The following MS4A8 variants were observed in gnomAD, a reference collection of about 807,000 sequenced individuals.
MS4A8 encodes membrane-spanning 4-domains subfamily A member 8.
In MS4A8, 27 loss-of-function variants were observed where a neutral mutation model predicts 23.7. The observed-to-expected ratio is 1.14, with a 90% CI of 0.84 to 1.57. MS4A8 has a LOEUF of 1.57. Among genes scored for constraint, MS4A8 ranks in the 40% most tolerant of loss-of-function variants. The pLI is 0.00. For synonymous variants in MS4A8, 138 were observed against 126.3 expected (o/e 1.09, Z -0.62); for missense variants, 301 against 311.4 (o/e 0.97, Z 0.25).
At chr11:60,709,087 C>T (rs1361164217) in intron 5 of MS4A8, 1 of 344,434 alleles carries the variant, frequency 2.9e-6, no homozygotes, top group Non-Finnish European at 5.5e-6. Flanking sequence ...TCTCTGCCTT[C>T]TTGCCCATTA....
intron 5 of MS4A8, chr11:60,712,485 T>C: frequency 1.0e-6 from 1 of 985,290 alleles, no homozygotes; most frequent in South Asian, 4.7e-5. Flanking sequence ...CAATGCTGTT[T>C]TTAAAAATCA....
Position 60,703,431 on chromosome 11 carries a change from G to A in MS4A8, c.273G>A (p.Ala91=), listed in dbSNP as rs2088224001. 8 of 1,604,940 alleles carry A rather than the reference G, an allele frequency of 5.0e-6. No individual in the cohort carries two copies. Among genetic ancestry groups the A allele is most frequent in the Middle Eastern group, 3.3e-4 (2 of 6,044 alleles). Residue 91 remains alanine (A), a synonymous_variant, in exon 3 of 7, where the codon GCG becomes GCA. Coordinates refer to ENST00000300226, the MANE Select transcript of MS4A8 (RefSeq NM_031457.2). ...ACATCGGCCTCGGCTCCATCATGGC[G>A]ACGGTTCTCGTAGGGGAATACCTGT... ...LAHIGLGSIM[A]TVLVGEYLSI... is the part of the protein sequence containing the mutation.
chr11:60,708,499 C>T, intron 4 of MS4A8, 151 bp from the exon 5 acceptor site: 1 of 713,138 alleles, frequency 1.4e-6, no homozygotes, highest in Non-Finnish European at 2.1e-6. Context: ...AACTGTAACA[C>T]TTGAAAATGA....
chr11:60,708,834 A>G, intron 5 of MS4A8, 53 bp downstream of exon 5: 1 of 1,608,196 alleles, frequency 6.2e-7, no homozygotes, highest in South Asian at 1.1e-5. Flanking sequence ...AGCTACATTT[A>G]GAAAACTCCC....
At position 60,714,216 on chromosome 11, in the gene MS4A8, GC is replaced by G. The variant is rs907126473; in HGVS notation, c.535-802del. Among the ~76,000 whole-genome samples, 37 of 141,276 alleles carry G rather than the reference GC, an allele frequency of 2.6e-4. 1 individual carries two copies. Among genetic ancestry groups the G allele is most frequent in the Admixed American group, 4.1e-4 (6 of 14,788 alleles). 92.7% of individuals were successfully genotyped at this position (141,276 alleles called of 152,430 possible). A position where few individuals can be genotyped will look rare whatever the true frequency, so the allele number is the denominator to read the frequency against. ...TGGGATTACAGGCGTGAGCCACCGC[GC>G]CCGGCCGGTGATGACTCTTAACAAG... On this transcript the variant is annotated intron_variant, in intron 5 of 6. Coordinates refer to ENST00000300226, the MANE Select transcript of MS4A8 (RefSeq NM_031457.2).
intron 3 of MS4A8, among the ~76,000 whole-genome samples, chr11:60,704,799 A>C (rs1000418375): frequency 1.3e-5 from 2 of 151,364 alleles, no homozygotes; most frequent in Non-Finnish European, 2.9e-5. Context: ...GTTCCTTTGC[A>C]GTGTCCCCCT....
rs1565054577 is a variant in MS4A8, at chr11:60,715,089, A to G, written c.603A>G (p.Ala201=). The G allele has an allele frequency of 6.2e-7, 1 of 1,614,114 alleles. No individual in the cohort carries two copies. The highest frequency in any genetic ancestry group is 8.5e-7 in the Non-Finnish European group (1 of 1,180,006). The change falls in exon 6 of 7, where the codon GCA becomes GCG. Residue 201 remains alanine, a synonymous_variant. Coordinates refer to ENST00000300226, the MANE Select transcript of MS4A8 (RefSeq NM_031457.2). ...FCLLEFGIAC[A]SSHFGCQLVC... ...TCCTGGAGTTTGGCATCGCATGCGCATCTTCCCACTTTGGCTGCCAGTTGG... is the reference window on the plus strand; with the variant it reads ...TCCTGGAGTTTGGCATCGCATGCGCGTCTTCCCACTTTGGCTGCCAGTTGG...
intron 5 of MS4A8, chr11:60,711,836 C>A (rs1288019779): frequency 2.2e-6 from 1 of 456,146 alleles, no homozygotes; most frequent in Admixed American, 2.3e-5. Context: ...TTAGTTCTGC[C>A]AATGATTGAT....
At chr11:60,710,223 T>C (rs180939231) in intron 5 of MS4A8, among the ~76,000 whole-genome samples, 18 of 152,342 alleles carry the variant, frequency 1.2e-4, no homozygotes, top group Admixed American at 1.0e-3. Flanking sequence ...AAACACCTTG[T>C]CTATGACAAT....
At chr11:60,704,328 C>G (rs1475058528) in intron 3 of MS4A8, among the ~76,000 whole-genome samples, 3 of 151,920 alleles carry the variant, frequency 2.0e-5, no homozygotes, top group East Asian at 3.9e-4. Context: ...ACCACGTTGG[C>G]CAGGCTGGTC....
chr11:60,714,244 G>T (rs571451488), intron 5 of MS4A8, among the ~76,000 whole-genome samples: 8 of 149,978 alleles, frequency 5.3e-5, no homozygotes, highest in Non-Finnish European at 8.8e-5. Context: ...CTTAACAAGC[G>T]TGCTGCCTTC....
In MS4A8 at chr11:60,707,812, C is replaced by CTT. The variant is rs5792195; in HGVS notation, c.402+787_402+788dup. ...ATTATTCTTTTTTCTTTTTCTTTTT[C>CTT]TTTTTTTTTTTTTTTTTTTTTTTGT... On this transcript the variant is annotated intron_variant, in intron 4 of 6. Transcript: ENST00000300226. Among the ~76,000 whole-genome samples, 446 of 55,178 alleles carry CTT rather than the reference C, an allele frequency of 8.1e-3. 1 individual carries two copies. Among genetic ancestry groups the CTT allele is most frequent in the African/African-American group, 8.7e-3 (138 of 15,930 alleles). The allele number at this position is 55,178 out of a possible 152,430, so 36.2% of individuals were successfully genotyped here.
At chr11:60,700,764 G>A in intron 1 of MS4A8, 96 bp from the exon 2 acceptor site, 1 of 1,202,766 alleles carries the variant, frequency 8.3e-7, no homozygotes, top group Non-Finnish European at 1.2e-6. Context: ...CTTGTAGAGG[G>A]TTAAGATGCT....
chr11:60,704,190 G>C (rs888112206), intron 3 of MS4A8, among the ~76,000 whole-genome samples: 1 of 143,226 alleles, frequency 7.0e-6, no homozygotes, highest in East Asian at 2.0e-4. Flanking sequence ...GTGCAATCTC[G>C]GCTCACCGCA....
At chr11:60,705,933 G>A (rs2088251953) in intron 3 of MS4A8, among the ~76,000 whole-genome samples, 1 of 152,192 alleles carries the variant, frequency 6.6e-6, no homozygotes. Flanking sequence ...TGATAAAATG[G>A]CAAGAGTAAT....
chr11:60,701,051 A>C lies in MS4A8; in HGVS notation c.191A>C (p.Lys64Thr). The change falls in exon 2 of 7, where the codon AAA becomes ACA. Residue 64 changes from lysine to threonine, a missense_variant. By Grantham distance (78) the Lys-to-Thr change is moderately conservative. Transcript: ENST00000300226. ...VSNVNGQPVQKALKEGKTLGA... is the reference protein window; with the variant it reads ...VSNVNGQPVQTALKEGKTLGA... Reference sequence around the variant, plus strand: ...AATGTGAATGGGCAGCCTGTGCAGAAAGCTCTGAAAGAAGGCAAAACCTTG... The same window carrying C: ...AATGTGAATGGGCAGCCTGTGCAGACAGCTCTGAAAGAAGGCAAAACCTTG... 1 of 1,614,194 alleles carries C rather than the reference A, an allele frequency of 6.2e-7. No individual in the cohort carries two copies. Among genetic ancestry groups the C allele is most frequent in the Non-Finnish European group, 8.5e-7 (1 of 1,180,026 alleles).
Position 60,703,039 on chromosome 11 carries a change from T to C in MS4A8, c.220-339T>C, listed in dbSNP as rs552163174. On this transcript the variant is annotated intron_variant, in intron 2 of 6. Transcript: ENST00000300226. ...CAACTACTCCACAGACCATCCATAA[T>C]GGGATCTGAGCAGCCCTGAAAAAAC... is the stretch of plus-strand genomic sequence containing the variant. The C allele has an allele frequency of 1.9e-4, 33 of 172,858 alleles. No individual in the cohort carries two copies. In the South Asian group the frequency reaches 3.5e-3, roughly 18 times the overall value. The allele number at this position is 172,858 out of a possible 1,614,324, so 10.7% of individuals were successfully genotyped here. A position where few individuals can be genotyped will look rare whatever the true frequency, so the allele number is the denominator to read the frequency against.
In MS4A8 at chr11:60,715,082, C is replaced by A. The variant is rs2088331504; in HGVS notation, c.596C>A (p.Ala199Glu). Residue 199 changes from alanine to glutamate, a missense_variant, in exon 6 of 7, where the codon GCA becomes GAA. Physicochemically the swap from Ala to Glu is moderately radical, Grantham distance 107. Coordinates refer to ENST00000300226, the MANE Select transcript of MS4A8 (RefSeq NM_031457.2). Reference sequence around the variant, plus strand: ...TTCTGCCTCCTGGAGTTTGGCATCGCATGCGCATCTTCCCACTTTGGCTGC... The same window carrying A: ...TTCTGCCTCCTGGAGTTTGGCATCGAATGCGCATCTTCCCACTTTGGCTGC... ...LVFCLLEFGI[A>E]CASSHFGCQL... The A allele has an allele frequency of 1.2e-6, 2 of 1,614,144 alleles. No individual in the cohort carries two copies. The highest frequency in any genetic ancestry group is 3.3e-5 in the Admixed American group (2 of 60,024).
intron 2 of MS4A8, 83 bp downstream of exon 2, chr11:60,701,162 A>G: frequency 1.5e-6 from 2 of 1,306,264 alleles, no homozygotes; most frequent in Non-Finnish European, 2.2e-6. Flanking sequence ...GAAATACACA[A>G]ACACTACATC....
Sources: gnomAD v4.1 joint callset for allele counts (sites outside exome capture counted in the v4.1 genomes callset) on GRCh38, gnomAD v4.1.1 for gene constraint, MANE v1.5 for transcripts, NCBI Gene and HGNC (gene_info 2026-07-23, HGNC 2026-07-21) for gene names.